The following EMCN variants were observed in gnomAD, a reference collection of about 807,000 sequenced individuals.
EMCN encodes the protein MUC-14.
EMCN carries 37 observed loss-of-function variants against 38.4 expected under a neutral mutation model. The observed-to-expected ratio is 0.96, with a 90% CI of 0.74 to 1.27. The LOEUF is 1.27. Ranked by LOEUF, EMCN falls within the 50% of genes most tolerant of loss-of-function variation. The pLI is 0.00. For missense variants in EMCN, 318 were observed against 302.8 expected (o/e 1.05, Z -0.37); for synonymous variants, 95 against 100.8 (o/e 0.94, Z 0.35).
chr4:100,486,572 C>T (rs1221095254), intron 1 of EMCN, among the ~76,000 whole-genome samples: 1 of 152,166 alleles, frequency 6.6e-6, no homozygotes, highest in African/African-American at 2.4e-5. Flanking sequence ...TCTCATCTCT[C>T]GCAGAGAGAA....
intron 1 of EMCN, among the ~76,000 whole-genome samples, chr4:100,515,655 G>A (rs1193253668): frequency 6.6e-6 from 1 of 152,068 alleles, no homozygotes; most frequent in Admixed American, 6.6e-5. Flanking sequence ...TAAGGCAGAT[G>A]AAATGCCTCC....
At position 100,396,967 on chromosome 4, in the gene EMCN, C is replaced by G. The variant is rs1166087436; in HGVS notation, c.*1446G>C. The G allele has an allele frequency of 6.6e-6, 1 of 151,018 alleles. No homozygotes were observed. The highest frequency in any genetic ancestry group is 2.4e-5 in the African/African-American group (1 of 40,966). The allele number at this position is 151,018 out of a possible 1,614,324, so 9.4% of individuals were successfully genotyped here. A position where few individuals can be genotyped will look rare whatever the true frequency, so the allele number is the denominator to read the frequency against. ...CTTTTTTTTTTTTCTACTTCCCATC[C>G]TTCTCAAAGAGACACCAGTCAGAAA... On this transcript the variant is annotated 3_prime_UTR_variant, in exon 12 of 12. Coordinates refer to ENST00000296420, the MANE Select transcript of EMCN (RefSeq NM_016242.4).
At chr4:100,445,391 G>A (rs1275730499) in intron 5 of EMCN, among the ~76,000 whole-genome samples, 3 of 151,914 alleles carry the variant, frequency 2.0e-5, no homozygotes, top group African/African-American at 7.3e-5. Context: ...ATTTCTAGAC[G>A]CTTAATAATA....
chr4:100,506,966 T>C (rs1372944598), intron 1 of EMCN, among the ~76,000 whole-genome samples: 4 of 152,228 alleles, frequency 2.6e-5, no homozygotes, highest in African/African-American at 9.6e-5. Context: ...CCTCTATATA[T>C]TCTTAAACTC....
Position 100,477,729 on chromosome 4 carries a change from G to A in EMCN, c.187+2188C>T, listed in dbSNP as rs114147558. The stretch of plus-strand genomic sequence containing the variant: ...TGTTTTTTTGGTAAATACTTTCATC[G>A]TGGCTAAGAGGACCATACTGGACAT... On this transcript the variant is annotated intron_variant, in intron 2 of 11. Transcript: ENST00000296420. Among the ~76,000 whole-genome samples the A allele has an allele frequency of 9.1e-3, 1,387 of 152,202 alleles. 9 individuals are homozygous for A. The highest frequency in any genetic ancestry group is 0.014 in the Non-Finnish European group (969 of 67,992).
At chr4:100,451,831 T>G (rs1727847323) in intron 4 of EMCN, among the ~76,000 whole-genome samples, 1 of 152,028 alleles carries the variant, frequency 6.6e-6, no homozygotes, top group Non-Finnish European at 1.5e-5. Context: ...ATAGCTAACA[T>G]GTATTGTGTT....
At chr4:100,442,146 G>C (rs1044628590) in intron 5 of EMCN, among the ~76,000 whole-genome samples, 1 of 152,176 alleles carries the variant, frequency 6.6e-6, no homozygotes, top group Non-Finnish European at 1.5e-5. Flanking sequence ...TTTTGAAGGA[G>C]AGCTTTGTTG....
chr4:100,396,432 T>A lies in EMCN; in HGVS notation c.*1981A>T, dbSNP rs1445343270. 3.9e-5 allele frequency: 6 copies of A among 152,124 alleles called. No individual in the cohort carries two copies. Among genetic ancestry groups the A allele is most frequent in the African/African-American group, 1.2e-4 (5 of 41,436 alleles). The allele number at this position is 152,124 out of a possible 1,614,324, so 9.4% of individuals were successfully genotyped here. On this transcript the variant is annotated 3_prime_UTR_variant, in exon 12 of 12. Transcript: ENST00000296420. The stretch of plus-strand genomic sequence containing the variant: ...ATAACATATTACTTATAATTTAAAT[T>A]GCAGAAGAGTTCATTTCTTTGGAAT...
At chr4:100,490,739 C>T (rs1286279918) in intron 1 of EMCN, among the ~76,000 whole-genome samples, 2 of 152,200 alleles carry the variant, frequency 1.3e-5, no homozygotes, top group African/African-American at 2.4e-5. Flanking sequence ...AATGACCTAA[C>T]AAGACGTTTC....
chr4:100,439,889 G>T (rs1446780157), intron 5 of EMCN, among the ~76,000 whole-genome samples: 1 of 151,812 alleles, frequency 6.6e-6, no homozygotes, highest in Non-Finnish European at 1.5e-5. Context: ...TTGACTCATT[G>T]GTTGTTCAGG....
At chr4:100,443,856 A>G (rs1358365471) in intron 5 of EMCN, among the ~76,000 whole-genome samples, 1 of 152,174 alleles carries the variant, frequency 6.6e-6, no homozygotes, top group Non-Finnish European at 1.5e-5. Context: ...GCTTGGTAGA[A>G]AAAGGAGTTC....
intron 1 of EMCN, among the ~76,000 whole-genome samples, chr4:100,512,177 T>C (rs1729642875): frequency 1.3e-5 from 2 of 151,998 alleles, no homozygotes; most frequent in South Asian, 4.2e-4. Context: ...AGGAATCTAA[T>C]GCTCATACGG....
At chr4:100,470,417 A>G (rs1728445015) in intron 3 of EMCN, among the ~76,000 whole-genome samples, 1 of 151,684 alleles carries the variant, frequency 6.6e-6, no homozygotes, top group African/African-American at 2.4e-5. Flanking sequence ...GTGGAGAAAA[A>G]GGAAGGCTTA....
chr4:100,421,282 C>T lies in EMCN; in HGVS notation c.664G>A (p.Gly222Ser). The T allele has an allele frequency of 6.2e-7, 1 of 1,612,042 alleles. No individual in the cohort carries two copies. Residue 222 changes from glycine to serine, a missense_variant and splice_region_variant, in exon 8 of 12, where the codon GGC becomes AGC. Physicochemically the swap from Gly to Ser is moderately conservative, Grantham distance 56. Coordinates refer to ENST00000296420, the MANE Select transcript of EMCN (RefSeq NM_016242.4). Reference sequence around the variant, plus strand: ...AACAAAACAAAACACTGTTACCTACCCGGATCTGCCTTCCAGCACATTCGG... The same window carrying T: ...AACAAAACAAAACACTGTTACCTACTCGGATCTGCCTTCCAGCACATTCGG... The part of the protein sequence containing the change: ...LYRMCWKADP[G>S]TPENGNDQPQ...
At chr4:100,436,065 A>G (rs1194227539) in intron 5 of EMCN, among the ~76,000 whole-genome samples, 1 of 152,196 alleles carries the variant, frequency 6.6e-6, no homozygotes, top group Non-Finnish European at 1.5e-5. Flanking sequence ...GCACAGCAAA[A>G]GGAACTATCA....
intron 5 of EMCN, among the ~76,000 whole-genome samples, chr4:100,437,118 C>T (rs1334261651): frequency 6.6e-6 from 1 of 152,156 alleles, no homozygotes. Flanking sequence ...ATAATATACA[C>T]CCTAATGGGT....
chr4:100,439,496 A>G (rs1259270112), intron 5 of EMCN, among the ~76,000 whole-genome samples: 1 of 150,610 alleles, frequency 6.6e-6, no homozygotes, highest in Non-Finnish European at 1.5e-5. Context: ...TTTTCGCTTT[A>G]ATTTATGATT....
intron 7 of EMCN, 36 bp downstream of exon 7, chr4:100,422,985 T>C: frequency 1.9e-6 from 3 of 1,599,010 alleles, no homozygotes; most frequent in Non-Finnish European, 2.6e-6. Flanking sequence ...ATTCTGCATA[T>C]CTACTGCCAT....
At chr4:100,408,668 A>G (rs1166034633) in intron 11 of EMCN, among the ~76,000 whole-genome samples, 2 of 152,114 alleles carry the variant, frequency 1.3e-5, no homozygotes. Flanking sequence ...AGTGCTGGTC[A>G]TAGATCTCAG....
Sources: allele counts gnomAD v4.1 joint callset (sites outside exome capture counted in the v4.1 genomes callset), GRCh38; gene constraint gnomAD v4.1.1; transcripts MANE v1.5; gene names NCBI Gene and HGNC (gene_info 2026-07-23, HGNC 2026-07-21).